Variants in ZFTRAF1 observed in about 807,000 individuals in gnomAD.
The protein encoded by ZFTRAF1 is zinc finger TRAF-type-containing protein 1.
chr8:144,453,525 C>T, the ZFTRAF1 span: 800 of 1,401,584 alleles, frequency 5.7e-4, 7 homozygotes, highest in East Asian at 0.017. Context: ...CACACCCGCC[C>T]ATGCCCATCA....
At chr8:144,452,615 G>A in the ZFTRAF1 span, 1 of 1,509,108 alleles carries the variant, frequency 6.6e-7, no homozygotes, top group African/African-American at 1.4e-5. Flanking sequence ...CCCCGAACAG[G>A]AGGCTGCAAC....
the ZFTRAF1 span, chr8:144,457,251 T>A: frequency 6.6e-6 from 1 of 152,166 alleles, no homozygotes; most frequent in East Asian, 1.9e-4. Flanking sequence ...AGATGTGGGC[T>A]TGAAGCCACA....
chr8:144,458,380 T>G, the ZFTRAF1 span, among the ~76,000 whole-genome samples: 3 of 152,218 alleles, frequency 2.0e-5, no homozygotes, highest in Non-Finnish European at 2.9e-5. Context: ...GCTCCTGTGT[T>G]TTAGATACCT....
At chr8:144,452,350 G>A in the ZFTRAF1 span, 1 of 1,547,628 alleles carries the variant, frequency 6.5e-7, no homozygotes, top group Non-Finnish European at 8.7e-7. Flanking sequence ...AGGCGGCGGG[G>A]CGCCTCACCT....
chr8:144,453,193 G>A, the ZFTRAF1 span: 27 of 1,541,912 alleles, frequency 1.8e-5, no homozygotes, highest in Non-Finnish European at 2.4e-5. Context: ...GGCCCCGCCT[G>A]TAAGGCTAAG....
At chr8:144,459,128 G>C in the ZFTRAF1 span, among the ~76,000 whole-genome samples, 1 of 152,250 alleles carries the variant, frequency 6.6e-6, no homozygotes, top group African/African-American at 2.4e-5. Context: ...TGAGGCTGCG[G>C]CTGCAACGTC....
the ZFTRAF1 span, chr8:144,450,824 G>A: frequency 6.7e-5 from 43 of 646,380 alleles, no homozygotes; most frequent in Middle Eastern, 1.9e-3. Flanking sequence ...GGCAGGGCTG[G>A]GCAGCAACGC....
At chr8:144,452,255 C>G in the ZFTRAF1 span, 2 of 1,292,594 alleles carry the variant, frequency 1.5e-6, no homozygotes, top group South Asian at 2.5e-5. Flanking sequence ...GGCTGTCCGG[C>G]GCTGTCAGTG....
chr8:144,450,544 G>A, the ZFTRAF1 span: 5 of 718,298 alleles, frequency 7.0e-6, 1 homozygote, highest in South Asian at 3.0e-5. Flanking sequence ...TCACGTCGTC[G>A]TAGGGGCCCT....
the ZFTRAF1 span, chr8:144,462,552 C>G: frequency 6.8e-6 from 1 of 147,984 alleles, no homozygotes; most frequent in Non-Finnish European, 1.5e-5. Context: ...TGCCCGGCGG[C>G]CGCCCCGGGC....
the ZFTRAF1 span, among the ~76,000 whole-genome samples, chr8:144,458,633 G>A: frequency 6.6e-6 from 1 of 152,170 alleles, no homozygotes; most frequent in East Asian, 1.9e-4. Context: ...TCAACATGTG[G>A]CATAGAGACA....
At chr8:144,462,364 G>A in the ZFTRAF1 span, 1 of 483,784 alleles carries the variant, frequency 2.1e-6, no homozygotes, top group Non-Finnish European at 3.7e-6. Context: ...GTTTCCCGCT[G>A]CCGGCCGCCG....
the ZFTRAF1 span, chr8:144,453,585 G>A: frequency 2.0e-5 from 17 of 835,840 alleles, no homozygotes; most frequent in African/African-American, 1.0e-4. Context: ...AGGGGCGCAC[G>A]TGCCTGTCCC....
the ZFTRAF1 span, among the ~76,000 whole-genome samples, chr8:144,461,289 G>A: frequency 1.3e-5 from 2 of 152,236 alleles, no homozygotes; most frequent in Non-Finnish European, 1.5e-5. Context: ...TCCTGTAAGT[G>A]TAAAGAAAGC....
At chr8:144,453,106 A>C in the ZFTRAF1 span, 2 of 930,780 alleles carry the variant, frequency 2.1e-6, no homozygotes, top group East Asian at 5.3e-5. Flanking sequence ...GGTGGTCCCC[A>C]AGGCCCAGAC....
the ZFTRAF1 span, among the ~76,000 whole-genome samples, chr8:144,461,119 C>T: frequency 2.6e-5 from 4 of 152,124 alleles, no homozygotes; most frequent in Admixed American, 6.6e-5. Flanking sequence ...GGGGTCCTCC[C>T]GACAAGGTCA....
the ZFTRAF1 span, among the ~76,000 whole-genome samples, chr8:144,458,966 G>T: frequency 6.6e-6 from 1 of 152,270 alleles, no homozygotes; most frequent in Admixed American, 6.5e-5. Context: ...ATGAGGGGTG[G>T]GAACAATGCG....
At chr8:144,450,257 G>A in the ZFTRAF1 span, 14 of 619,732 alleles carry the variant, frequency 2.3e-5, no homozygotes, top group South Asian at 3.6e-5. Context: ...TGTTGGCTTC[G>A]TTTGTTCTCC....
the ZFTRAF1 span, chr8:144,453,620 ACTGCGAG>A: frequency 1.6e-6 from 1 of 640,570 alleles, no homozygotes; most frequent in Non-Finnish European, 2.7e-6. Context: ...TGTGGTGAAC[ACTGCGAG>A]CTGCTCAGGA....
Sources: allele counts gnomAD v4.1 joint callset (sites outside exome capture counted in the v4.1 genomes callset), GRCh38; gene constraint gnomAD v4.1.1; transcripts MANE v1.5; gene names NCBI Gene and HGNC (gene_info 2026-07-23, HGNC 2026-07-21).